SLC30A8: variants seen among roughly 807,000 people sequenced by gnomAD.
SLC30A8 encodes solute carrier family 30 member 8.
A neutral mutation model predicts 36.9 loss-of-function variants in SLC30A8; 27 were observed. That is an observed-to-expected ratio of 0.73 (90% CI 0.54 to 1.01). SLC30A8 has a LOEUF of 1.01. Ranked by LOEUF, SLC30A8 falls within the 50% of genes least tolerant of loss-of-function variation. The probability of loss-of-function intolerance (pLI) is 0.00; values close to 1 mark genes in which losing one functional copy is unlikely to be tolerated. For synonymous variants in SLC30A8, 164 were observed against 172.4 expected (o/e 0.95, Z 0.38); for missense variants, 439 against 452.0 (o/e 0.97, Z 0.26).
At chr8:116,950,315 A>G, upstream of SLC30A8, 1 of 156,460 alleles carries the variant, frequency 6.4e-6, no homozygotes, top group Non-Finnish European at 1.4e-5. Context: ...AGATCAGTTA[A>G]TGCATACTGA....
chr8:117,066,853 A>G (rs1283578969), intron 2 of SLC30A8, among the ~76,000 whole-genome samples: 1 of 152,176 alleles, frequency 6.6e-6, no homozygotes, highest in Non-Finnish European at 1.5e-5. Context: ...AGAGAAACCC[A>G]GCCTTGATGA....
At chr8:117,131,311 ACAC>A (rs758114582), upstream of SLC30A8, among the ~76,000 whole-genome samples, 149 of 152,142 alleles carry the variant, frequency 9.8e-4, no homozygotes, top group Non-Finnish European at 1.7e-3. Context: ...TGAAATACTC[ACAC>A]TGTAGTAATA....
At chr8:117,162,211 G>C (rs956028124) in intron 5 of SLC30A8, among the ~76,000 whole-genome samples, 1 of 152,174 alleles carries the variant, frequency 6.6e-6, no homozygotes, top group Non-Finnish European at 1.5e-5. Flanking sequence ...TTGATATCTA[G>C]GTTTTAGAAA....
chr8:116,967,196 C>G (rs1814626947), intron 1 of SLC30A8, among the ~76,000 whole-genome samples: 1 of 152,148 alleles, frequency 6.6e-6, no homozygotes. Flanking sequence ...CAAGATTTCT[C>G]TGTCTTAAAC....
chr8:117,118,691 A>G (rs1820556473), intron 2 of SLC30A8, among the ~76,000 whole-genome samples: 2 of 151,944 alleles, frequency 1.3e-5, no homozygotes, highest in Non-Finnish European at 2.9e-5. Context: ...ATATTAAAAA[A>G]TAGCCATTCC....
chr8:117,014,538 G>T (rs1816447655), intron 1 of SLC30A8, among the ~76,000 whole-genome samples: 1 of 152,112 alleles, frequency 6.6e-6, no homozygotes. Context: ...AATATAGGAT[G>T]GTCTTTTTAG....
intron 1 of SLC30A8, among the ~76,000 whole-genome samples, chr8:116,976,025 G>A (rs1814990626): frequency 6.6e-6 from 1 of 152,132 alleles, no homozygotes; most frequent in African/African-American, 2.4e-5. Context: ...GAAGGGGAGA[G>A]CCAGCAGGCT....
At chr8:116,985,708 A>C (rs530620775) in intron 1 of SLC30A8, among the ~76,000 whole-genome samples, 2 of 152,224 alleles carry the variant, frequency 1.3e-5, no homozygotes, top group Non-Finnish European at 1.5e-5. Flanking sequence ...TGAAAGTACC[A>C]ATTTTCCCAT....
chr8:116,987,116 C>G (rs1243000609), intron 1 of SLC30A8, among the ~76,000 whole-genome samples: 1 of 151,994 alleles, frequency 6.6e-6, no homozygotes, highest in Non-Finnish European at 1.5e-5. Flanking sequence ...TTGCCCAAGT[C>G]AGGGAATCCA....
At chr8:117,014,697 A>G (rs79055154) in intron 1 of SLC30A8, among the ~76,000 whole-genome samples, 1,542 of 152,272 alleles carry the variant, frequency 0.01, 22 homozygotes, top group African/African-American at 0.034. Context: ...CCTTCTGGCA[A>G]ATATCAGAGA....
rs867265023 is a variant in SLC30A8 at position 116,972,612 on chromosome 8, C to T, written c.-266+21493C>T. 1.2e-4 allele frequency among the ~76,000 whole-genome samples: 18 copies of T among 152,198 alleles called. 1 individual carries two copies. The South Asian group carries it at 1.4e-3, about 12-fold the overall frequency. On this transcript the variant is annotated intron_variant, in intron 1 of 10. Coordinates refer to the SLC30A8 transcript ENST00000427715. ...TAATTATTATACTGGACTAAACATA[C>T]GAATTAGTGAACTGAGACTATTTTG...
At chr8:116,974,460 A>C (rs556141616) in intron 1 of SLC30A8, among the ~76,000 whole-genome samples, 2 of 152,378 alleles carry the variant, frequency 1.3e-5, no homozygotes, top group African/African-American at 4.8e-5. Context: ...TGGCCATCAG[A>C]GAAATGCAAA....
intron 1 of SLC30A8, among the ~76,000 whole-genome samples, chr8:116,958,958 T>C (rs1814317757): frequency 6.8e-6 from 1 of 146,596 alleles, no homozygotes; most frequent in South Asian, 2.3e-4. Context: ...CAAGCGAGTC[T>C]CCTGCCTCAG....
chr8:117,084,033 C>T (rs1248729938), intron 2 of SLC30A8, among the ~76,000 whole-genome samples: 3 of 152,114 alleles, frequency 2.0e-5, no homozygotes, highest in Admixed American at 1.3e-4. Context: ...CTTATATATT[C>T]AGTACTGCCC....
intron 2 of SLC30A8, among the ~76,000 whole-genome samples, chr8:117,071,372 TC>T (rs1818326511): frequency 6.6e-6 from 1 of 152,202 alleles, no homozygotes; most frequent in Non-Finnish European, 1.5e-5. Flanking sequence ...TCTGTTGAGA[TC>T]CTTTGCCCAT....
At position 116,982,673 on chromosome 8, in the gene SLC30A8, C is replaced by T. The variant is rs571552909; in HGVS notation, c.-266+31554C>T. ...AATTTTTTTCCCTATCAGTCCAGAA[C>T]AAAATGACATTGAACCAGATTACAT... On this transcript the variant is annotated intron_variant, in intron 1 of 10. Coordinates refer to the SLC30A8 transcript ENST00000427715. Among the ~76,000 whole-genome samples the T allele has an allele frequency of 1.5e-4, 23 of 152,230 alleles. 1 individual carries two copies. In the South Asian group the frequency reaches 3.1e-3, roughly 21 times the overall value.
intron 1 of SLC30A8, among the ~76,000 whole-genome samples, chr8:116,989,234 A>G (rs996303614): frequency 2.0e-5 from 3 of 152,182 alleles, no homozygotes; most frequent in Non-Finnish European, 4.4e-5. Flanking sequence ...AAGAAGGGCA[A>G]ATTTGTGGTG....
intron 2 of SLC30A8, among the ~76,000 whole-genome samples, chr8:117,094,030 G>A (rs1298764550): frequency 6.6e-6 from 1 of 152,218 alleles, no homozygotes. Flanking sequence ...GGCTGGCACT[G>A]GGAATGTGGT....
chr8:116,952,824 T>C (rs1388540343), intron 1 of SLC30A8, among the ~76,000 whole-genome samples: 1 of 151,196 alleles, frequency 6.6e-6, no homozygotes, highest in Non-Finnish European at 1.5e-5. Context: ...TTAGACATTA[T>C]GTCTTCCTAT....
Sources: allele counts gnomAD v4.1 joint callset (sites outside exome capture counted in the v4.1 genomes callset), GRCh38; gene constraint gnomAD v4.1.1; transcripts MANE v1.5; gene names NCBI Gene and HGNC (gene_info 2026-07-23, HGNC 2026-07-21).